Variants in CDRT4 observed in about 807,000 individuals in gnomAD.
The protein encoded by CDRT4 is CMT1A duplicated region transcript 4, also known as CMT1A duplicated region transcript 4 protein.
For synonymous variants in CDRT4, 64 were observed against 69.6 expected, an observed-to-expected ratio of 0.92 and a Z score of 0.40; for missense variants, 167 against 193.1, an observed-to-expected ratio of 0.87 and a Z score of 0.80.
At chr17:15,440,577 C>T (rs1457850495) in intron 2 of CDRT4, among the ~76,000 whole-genome samples, 1 of 151,936 alleles carries the variant, frequency 6.6e-6, no homozygotes, top group Non-Finnish European at 1.5e-5. Context: ...AGGCTGGGGG[C>T]TGTGTGGAGG....
At chr17:15,454,338 CAT>C (rs1386041364) in intron 1 of CDRT4, among the ~76,000 whole-genome samples, 1 of 152,200 alleles carries the variant, frequency 6.6e-6, no homozygotes, top group Non-Finnish European at 1.5e-5. Flanking sequence ...CATACATACA[CAT>C]GTTAACCGAG....
intron 2 of CDRT4, among the ~76,000 whole-genome samples, chr17:15,442,640 T>A (rs1030492961): frequency 3.9e-5 from 6 of 152,184 alleles, no homozygotes; most frequent in Non-Finnish European, 7.3e-5. Flanking sequence ...CCCACCATCC[T>A]GCTCAGAGCC....
intron 1 of CDRT4, among the ~76,000 whole-genome samples, chr17:15,466,579 C>T (rs1046198230): frequency 4.6e-5 from 7 of 152,166 alleles, no homozygotes; most frequent in Admixed American, 4.6e-4. Context: ...GGCTGGAGTG[C>T]AGTGGCACGA....
At chr17:15,465,236 ACAACAGACACACAC>A (rs1193630508) in intron 1 of CDRT4, among the ~76,000 whole-genome samples, 1 of 132,078 alleles carries the variant, frequency 7.6e-6, no homozygotes, top group African/African-American at 3.3e-5. Context: ...ACAGACACAC[ACAACAGACACACAC>A]CAACACACAC....
chr17:15,464,605 G>A lies in CDRT4; in HGVS notation c.-130+2855C>T, dbSNP rs1198376411. ...CAATCTCTGCTGGTGCACCTCCCTG[G>A]CAGCTTCCCTCTGCTCCCCTCTCCA... On this transcript the variant is annotated intron_variant, in intron 1 of 3. Coordinates refer to ENST00000619038, the MANE Select transcript of CDRT4 (RefSeq NM_001204477.2). The surrounding 1 kb of genome is among the most constrained non-coding windows in gnomAD (Gnocchi z 4.5). 6.6e-6 allele frequency among the ~76,000 whole-genome samples: 1 copy of A among 151,902 alleles called. No homozygotes were observed. Among genetic ancestry groups the A allele is most frequent in the East Asian group, 1.9e-4 (1 of 5,188 alleles).
At chr17:15,440,458 C>G (rs925389735) in intron 2 of CDRT4, among the ~76,000 whole-genome samples, 173 bp from the exon 3 acceptor site, 3 of 152,104 alleles carry the variant, frequency 2.0e-5, no homozygotes, top group Non-Finnish European at 2.9e-5. Context: ...GCCAAGTGAG[C>G]CCCGCAAAGG....
intron 2 of CDRT4, among the ~76,000 whole-genome samples, chr17:15,447,561 T>C (rs2906983): frequency 0.18 from 27,624 of 152,184 alleles, 4,478 homozygotes; most frequent in East Asian, 0.48. Context: ...AAACACTTTA[T>C]AAATTCACTG....
chr17:15,463,582 T>C (rs995819510), intron 1 of CDRT4, among the ~76,000 whole-genome samples: 4 of 152,224 alleles, frequency 2.6e-5, no homozygotes, highest in Admixed American at 6.5e-5. Context: ...GCACTCACTG[T>C]AACTTGGCCA....
Position 15,441,717 on chromosome 17 carries a change from C to T in CDRT4, c.-47-1432G>A, listed in dbSNP as rs188903905. Among the ~76,000 whole-genome samples the T allele has an allele frequency of 8.5e-5, 13 of 152,282 alleles. No individual in the cohort carries two copies. The East Asian group carries it at 2.5e-3, about 29-fold the overall frequency. The stretch of plus-strand genomic sequence containing the variant: ...TTATAACACATCTAACAAAGGATGG[C>T]ATCCCGGAGATTCATTCATACTCCC... On this transcript the variant is annotated intron_variant, in intron 2 of 3. Coordinates refer to ENST00000619038, the MANE Select transcript of CDRT4 (RefSeq NM_001204477.2).
chr17:15,455,077 G>C (rs180681979), intron 1 of CDRT4, among the ~76,000 whole-genome samples: 15 of 152,222 alleles, frequency 9.9e-5, no homozygotes, highest in Non-Finnish European at 5.9e-5. Context: ...ATGAACTCTA[G>C]AGAGAACAAA....
intron 1 of CDRT4, among the ~76,000 whole-genome samples, chr17:15,461,527 C>T (rs1979749241): frequency 1.3e-5 from 2 of 152,210 alleles, no homozygotes; most frequent in Admixed American, 6.5e-5. Context: ...CCAGTATCAC[C>T]TAGAGAGCCT....
intron 1 of CDRT4, among the ~76,000 whole-genome samples, chr17:15,459,998 C>G (rs552389987): frequency 6.6e-6 from 1 of 152,116 alleles, no homozygotes; most frequent in Non-Finnish European, 1.5e-5. Flanking sequence ...GCCCCTGTCC[C>G]AGGCACCCTT....
intron 1 of CDRT4, among the ~76,000 whole-genome samples, chr17:15,460,860 GTC>G (rs1278352052): frequency 1.3e-5 from 2 of 151,828 alleles, no homozygotes; most frequent in Admixed American, 1.3e-4. Flanking sequence ...CTCTGTTTCT[GTC>G]TCTCTCCCTC....
chr17:15,438,992 G>A (rs1401264344), intron 3 of CDRT4, among the ~76,000 whole-genome samples: 2 of 152,184 alleles, frequency 1.3e-5, no homozygotes, highest in East Asian at 3.8e-4. Flanking sequence ...TTTGCCGAGG[G>A]GGGTGGGTGT....
chr17:15,437,691 A>G lies in CDRT4; in HGVS notation c.*82T>C, dbSNP rs2150782980. Reference sequence around the variant, plus strand: ...AAAGGACACTGTCAAGTGAGTGGTAAATGGAGCTTAACTTTTGTACGTTCT... The same window carrying G: ...AAAGGACACTGTCAAGTGAGTGGTAGATGGAGCTTAACTTTTGTACGTTCT... On this transcript the variant is annotated 3_prime_UTR_variant, in exon 4 of 4. Transcript: ENST00000619038. The G allele has an allele frequency of 1.4e-6, 2 of 1,397,152 alleles. No homozygotes were observed. The highest frequency in any genetic ancestry group is 2.6e-5 in the South Asian group (2 of 76,828). 86.5% of individuals were successfully genotyped at this position (1,397,152 alleles called of 1,614,324 possible).
intron 1 of CDRT4, among the ~76,000 whole-genome samples, chr17:15,455,528 A>C (rs1979448038): frequency 6.6e-6 from 1 of 152,202 alleles, no homozygotes; most frequent in Admixed American, 6.5e-5. Flanking sequence ...ACTTCTAATA[A>C]ACAGAATATG....
At chr17:15,439,979 A>G (rs1206889479) in intron 3 of CDRT4, among the ~76,000 whole-genome samples, 3 of 152,012 alleles carry the variant, frequency 2.0e-5, no homozygotes, top group Non-Finnish European at 2.9e-5. Context: ...TAGGAGATAT[A>G]CCTAATGTAA....
At chr17:15,439,053 T>C in intron 3 of CDRT4, 1 of 453,716 alleles carries the variant, frequency 2.2e-6, no homozygotes, top group South Asian at 1.6e-5. Context: ...CCTTTACAGA[T>C]CCAAAATCAT....
intron 1 of CDRT4, among the ~76,000 whole-genome samples, chr17:15,456,353 A>G (rs962256417): frequency 1.3e-5 from 2 of 152,138 alleles, no homozygotes; most frequent in Non-Finnish European, 2.9e-5. Flanking sequence ...TGCCTTACAC[A>G]TTACTGGAGA....
Sources: gnomAD v4.1 joint callset for allele counts (sites outside exome capture counted in the v4.1 genomes callset) on GRCh38, gnomAD v4.1.1 for gene constraint, Gnocchi (gnomAD v3.1) non-coding constraint, MANE v1.5 for transcripts, NCBI Gene and HGNC (gene_info 2026-07-23, HGNC 2026-07-21) for gene names.